The following KIF2C variants were observed in gnomAD, a reference collection of about 807,000 sequenced individuals.
KIF2C encodes the protein kinesin-like protein KIF2C.
In KIF2C, 34 loss-of-function variants were observed where a neutral mutation model predicts 97.4. That is an observed-to-expected ratio of 0.35 (90% confidence interval 0.27 to 0.46). KIF2C has a LOEUF of 0.46. KIF2C is among the 20% of genes least tolerant of loss of function. KIF2C has a pLI of 1.00. For missense variants in KIF2C, 750 were observed against 907.6 expected (o/e 0.83, Z 2.23); for synonymous variants, 313 against 318.2 (o/e 0.98, Z 0.17).
chr1:44,740,855 C>T, intron 1 of KIF2C, 58 bp from the exon 2 acceptor site: 3 of 1,108,884 alleles, frequency 2.7e-6, no homozygotes, highest in East Asian at 3.2e-5. Flanking sequence ...CTGTGGAATC[C>T]TAAAAGTGAA....
chr1:44,739,848 G>T lies in KIF2C; in HGVS notation c.-85G>T. 5 of 1,264,996 alleles carry T rather than the reference G, an allele frequency of 4.0e-6. No homozygotes were observed. The South Asian group carries it at 6.0e-5, about 15-fold the overall frequency. The allele number at this position is 1,264,996 out of a possible 1,614,324, so 78.4% of individuals were successfully genotyped here. A position where few individuals can be genotyped will look rare whatever the true frequency, so the allele number is the denominator to read the frequency against. ...TGCGCGCGGGATTTAAACTGCGGCG[G>T]TTTACGCGGCGTTAAGACTTCGTAG... On this transcript the variant is annotated 5_prime_UTR_variant, in exon 1 of 21. Coordinates refer to ENST00000372224, the MANE Select transcript of KIF2C (RefSeq NM_006845.4).
In KIF2C at chr1:44,758,610, C is replaced by T. The variant is rs1343583034; in HGVS notation, c.1224+470C>T. ...ATATTAGGGGCCAGGCGTGATGGCT[C>T]ACACCTGTAATCCCAGCACTTTGGG... On this transcript the variant is annotated intron_variant, in intron 13 of 20. Transcript: ENST00000372224. 2.6e-5 allele frequency among the ~76,000 whole-genome samples: 4 copies of T among 152,244 alleles called. No homozygotes were observed. The South Asian group carries it at 8.3e-4, about 32-fold the overall frequency.
intron 7 of KIF2C, 106 bp downstream of exon 7, chr1:44,753,939 A>G (rs1573563729): frequency 2.9e-6 from 1 of 343,564 alleles, no homozygotes; most frequent in South Asian, 4.9e-5. Flanking sequence ...CTGAGGCTCC[A>G]GTTCTTGAGG....
chr1:44,763,002 C>CA (rs1349160214), intron 19 of KIF2C, among the ~76,000 whole-genome samples: 1 of 151,978 alleles, frequency 6.6e-6, no homozygotes, highest in Admixed American at 6.6e-5. Flanking sequence ...ATCCAAGGGC[C>CA]AAAAAACATG....
chr1:44,763,185 G>T (rs1413004513), intron 19 of KIF2C, among the ~76,000 whole-genome samples: 2 of 148,078 alleles, frequency 1.4e-5, no homozygotes, highest in East Asian at 4.0e-4. Flanking sequence ...TGCTTATAAA[G>T]TGTCAGCACA....
chr1:44,746,048 T>C (rs1649180678), intron 2 of KIF2C, among the ~76,000 whole-genome samples: 1 of 152,014 alleles, frequency 6.6e-6, no homozygotes, highest in South Asian at 2.1e-4. Context: ...AGCCAACTTT[T>C]TGTATTTTAG....
intron 2 of KIF2C, among the ~76,000 whole-genome samples, chr1:44,746,017 C>T (rs376459965): frequency 6.6e-6 from 1 of 152,172 alleles, no homozygotes; most frequent in East Asian, 1.9e-4. Context: ...GCTGGGATTA[C>T]AGGTGCACGC....
chr1:44,767,183 C>T lies in KIF2C; in HGVS notation c.*4C>T. On this transcript the variant is annotated 3_prime_UTR_variant, in exon 21 of 21. Transcript: ENST00000372224. ...CAGCAAGAAACGGCCCCAGTGACGACTGCAAATAAAAATCTGTTTGGTTTG... is the reference window on the plus strand; with the variant it reads ...CAGCAAGAAACGGCCCCAGTGACGATTGCAAATAAAAATCTGTTTGGTTTG... The T allele has an allele frequency of 1.2e-6, 2 of 1,613,754 alleles. No homozygotes were observed. Among genetic ancestry groups the T allele is most frequent in the Non-Finnish European group, 1.7e-6 (2 of 1,179,700 alleles).
chr1:44,743,670 T>C (rs1435331082), intron 2 of KIF2C, among the ~76,000 whole-genome samples: 1 of 152,196 alleles, frequency 6.6e-6, no homozygotes, highest in Non-Finnish European at 1.5e-5. Context: ...CTTGCGCCTG[T>C]GGTCCCAGCT....
intron 1 of KIF2C, among the ~76,000 whole-genome samples, chr1:44,740,248 G>A (rs1648867078): frequency 6.6e-6 from 1 of 152,190 alleles, no homozygotes; most frequent in Non-Finnish European, 1.5e-5. Flanking sequence ...AAGGCTGGTA[G>A]ACCTCCCAGG....
chr1:44,759,081 G>A, intron 13 of KIF2C, 125 bp from the exon 14 acceptor site: 14 of 1,226,840 alleles, frequency 1.1e-5, no homozygotes, highest in Middle Eastern at 2.8e-4. Context: ...ACATCCATCA[G>A]TTCGTATTCT....
In KIF2C at chr1:44,767,167, A is replaced by G. The variant is rs778205062; in HGVS notation, c.2166A>G (p.Lys722=). The change falls in exon 21 of 21, where the codon AAA becomes AAG. Residue 722 remains lysine (K), a synonymous_variant. Coordinates refer to ENST00000372224, the MANE Select transcript of KIF2C (RefSeq NM_006845.4). ...CTAGCAGACAAATAAGCAGCAAGAAACGGCCCCAGTGACGACTGCAAATAA... is the reference window on the plus strand; with the variant it reads ...CTAGCAGACAAATAAGCAGCAAGAAGCGGCCCCAGTGACGACTGCAAATAA... ...EQASRQISSK[K]RPQ 1.2e-6 allele frequency: 2 copies of G among 1,614,080 alleles called. No homozygotes were observed. The highest frequency in any genetic ancestry group is 2.2e-5 in the East Asian group (1 of 44,886).
intron 19 of KIF2C, among the ~76,000 whole-genome samples, chr1:44,763,175 T>C (rs981637612): frequency 6.8e-6 from 1 of 146,050 alleles, no homozygotes; most frequent in Non-Finnish European, 1.5e-5. Context: ...TTCAGTAATA[T>C]GCTTATAAAG....
At chr1:44,765,118 AAAAAT>A (rs1295752252) in intron 19 of KIF2C, among the ~76,000 whole-genome samples, 9 of 152,068 alleles carry the variant, frequency 5.9e-5, no homozygotes, top group African/African-American at 1.2e-4. Flanking sequence ...AGACTGTCTC[AAAAAT>A]AAAATAAAAT....
At chr1:44,740,460 A>G (rs1648876981) in intron 1 of KIF2C, among the ~76,000 whole-genome samples, 1 of 152,178 alleles carries the variant, frequency 6.6e-6, no homozygotes, top group African/African-American at 2.4e-5. Context: ...CAGGTACCGC[A>G]GTTCTGGCAG....
chr1:44,762,374 C>G lies in KIF2C; in HGVS notation c.1780C>G (p.Pro594Ala). The part of the protein sequence containing the change: ...RVKELSPHSG[P>A]SGEQLIQMET... ...CAAGGAGCTGAGCCCCCACAGTGGG[C>G]CCAGTGGAGAGCAGTTGATTCAAAT... Residue 594 changes from proline (P) to alanine (A), a missense_variant, in exon 18 of 21, where the codon CCC becomes GCC. By Grantham distance (27) the Pro-to-Ala change is conservative (BLOSUM62 -1). Transcript: ENST00000372224. 4 of 1,614,030 alleles carry G rather than the reference C, an allele frequency of 2.5e-6. No individual in the cohort carries two copies. Among genetic ancestry groups the G allele is most frequent in the Non-Finnish European group, 2.5e-6 (3 of 1,179,962 alleles).
intron 1 of KIF2C, 116 bp from the exon 2 acceptor site, chr1:44,740,797 T>TTA: frequency 2.3e-6 from 1 of 426,524 alleles, no homozygotes; most frequent in Non-Finnish European, 4.3e-6. Context: ...TTTTTTTTTT[T>TTA]TTAAGGTAGC....
intron 4 of KIF2C, among the ~76,000 whole-genome samples, chr1:44,748,983 C>A (rs1282142654): frequency 6.6e-6 from 1 of 152,034 alleles, no homozygotes; most frequent in African/African-American, 2.4e-5. Flanking sequence ...CCCAGCTACA[C>A]AGCTCATTTT....
chr1:44,742,841 T>G (rs1649005728), intron 2 of KIF2C, among the ~76,000 whole-genome samples: 1 of 152,112 alleles, frequency 6.6e-6, no homozygotes, highest in African/African-American at 2.4e-5. Context: ...ATCAATAACC[T>G]GGTTGAGGAG....
Sources: gnomAD v4.1 joint callset for allele counts (sites outside exome capture counted in the v4.1 genomes callset) on GRCh38, gnomAD v4.1.1 for gene constraint, MANE v1.5 for transcripts, NCBI Gene and HGNC (gene_info 2026-07-23, HGNC 2026-07-21) for gene names.